The following DSCAM variants were observed in gnomAD, a reference collection of about 807,000 sequenced individuals.
DSCAM encodes the protein DS cell adhesion molecule.
Under a neutral mutation model 217.7 loss-of-function variants are expected in DSCAM, and 47 were observed. The ratio of observed to expected loss-of-function variants is 0.22; its 90% CI spans 0.17 to 0.28. DSCAM has a LOEUF of 0.28. Ranked by LOEUF, DSCAM falls within the 10% of genes least tolerant of loss-of-function variation. The pLI, the probability that DSCAM is intolerant of heterozygous loss-of-function variation, is 1.00. For missense variants in DSCAM, 2,080 were observed against 2,618.3 expected (o/e 0.79, Z 4.49); for synonymous variants, 1,056 against 1,015.3 (o/e 1.04, Z -0.76).
chr21:40,096,275 T>C (rs183236452), intron 20 of DSCAM, among the ~76,000 whole-genome samples: 32 of 152,252 alleles, frequency 2.1e-4, no homozygotes, highest in Admixed American at 2.0e-3. Flanking sequence ...TCCTGCCTTT[T>C]CAGATGGAAC....
At position 40,245,191 on chromosome 21, in the gene DSCAM, G is replaced by A. The variant is rs2073207103; in HGVS notation, c.2356+30906C>T. On this transcript the variant is annotated intron_variant, in intron 11 of 32. Coordinates refer to ENST00000400454, the MANE Select transcript of DSCAM (RefSeq NM_001389.5). ...TCTTACGGCTGCTGCCGCCTGTTGG[G>A]GTAATGACACATGATGGGTGATTAA... Among the ~76,000 whole-genome samples, 4 of 152,168 alleles carry A rather than the reference G, an allele frequency of 2.6e-5. No homozygotes were observed. In the South Asian group the frequency reaches 6.2e-4, roughly 24 times the overall value.
At chr21:40,428,255 TG>T (rs2075495823) in intron 3 of DSCAM, among the ~76,000 whole-genome samples, 2 of 144,588 alleles carry the variant, frequency 1.4e-5, no homozygotes, top group African/African-American at 2.7e-5. Context: ...TGTGTGTGTG[TG>T]TGTGTGTGTG....
chr21:40,332,276 C>T (rs1414251125), intron 8 of DSCAM, among the ~76,000 whole-genome samples: 1 of 152,158 alleles, frequency 6.6e-6, no homozygotes, highest in East Asian at 1.9e-4. Context: ...CTTCCCGCTG[C>T]AATACGAATT....
chr21:40,719,513 C>G (rs1345956364), intron 1 of DSCAM, among the ~76,000 whole-genome samples: 1 of 152,176 alleles, frequency 6.6e-6, no homozygotes, highest in Non-Finnish European at 1.5e-5. Context: ...ATATCTACAG[C>G]AGCAACACGT....
intron 8 of DSCAM, among the ~76,000 whole-genome samples, chr21:40,313,012 G>A (rs2123494681): frequency 6.6e-6 from 1 of 151,892 alleles, no homozygotes; most frequent in East Asian, 1.9e-4. Context: ...AGCTACTGAG[G>A]AGGCCAAGGC....
At chr21:40,669,691 G>A (rs1466770104) in intron 3 of DSCAM, among the ~76,000 whole-genome samples, 1 of 150,724 alleles carries the variant, frequency 6.6e-6, no homozygotes, top group Non-Finnish European at 1.5e-5. Flanking sequence ...CAATTCTCCT[G>A]CCTCAGCCTC....
intron 3 of DSCAM, among the ~76,000 whole-genome samples, chr21:40,660,138 G>A (rs2090123362): frequency 6.6e-6 from 1 of 152,110 alleles, no homozygotes; most frequent in African/African-American, 2.4e-5. Flanking sequence ...TGAAACTCCT[G>A]AAGTTACATA....
intron 32 of DSCAM, among the ~76,000 whole-genome samples, chr21:40,014,508 G>A (rs567632345): frequency 2.3e-4 from 35 of 152,314 alleles, no homozygotes; most frequent in African/African-American, 4.1e-4. Flanking sequence ...AATGACAAGC[G>A]TGACAGGGCT....
At chr21:40,280,945 A>G (rs2073752536) in intron 10 of DSCAM, among the ~76,000 whole-genome samples, 1 of 152,192 alleles carries the variant, frequency 6.6e-6, no homozygotes, top group African/African-American at 2.4e-5. Flanking sequence ...AGTCTGAGAA[A>G]GTAAAGCTTA....
chr21:40,229,507 T>C (rs998583219), intron 11 of DSCAM, among the ~76,000 whole-genome samples: 4 of 152,228 alleles, frequency 2.6e-5, no homozygotes, highest in Admixed American at 6.5e-5. Flanking sequence ...GCTTCACCTG[T>C]TCAGTCCTCT....
At chr21:40,587,544 C>G (rs1353132608) in intron 3 of DSCAM, among the ~76,000 whole-genome samples, 1 of 152,142 alleles carries the variant, frequency 6.6e-6, no homozygotes, top group Non-Finnish European at 1.5e-5. Context: ...TTTGATAAAT[C>G]CTTCTCAAAT....
intron 3 of DSCAM, among the ~76,000 whole-genome samples, chr21:40,675,539 A>G (rs1403347829): frequency 6.6e-6 from 1 of 152,182 alleles, no homozygotes. Context: ...TTCCACCATA[A>G]TTCTTCTAAG....
chr21:40,265,514 C>A (rs988729612), intron 11 of DSCAM, among the ~76,000 whole-genome samples: 3 of 151,162 alleles, frequency 2.0e-5, no homozygotes, highest in Non-Finnish European at 2.9e-5. Flanking sequence ...CATAGGGAAC[C>A]AAAAAAGAGC....
At chr21:40,276,031 A>T in intron 11 of DSCAM, 66 bp downstream of exon 11, 1 of 1,440,440 alleles carries the variant, frequency 6.9e-7, no homozygotes, top group Non-Finnish European at 9.2e-7. Context: ...GAGACAATTG[A>T]AAAAGGAAGC....
chr21:40,796,694 T>C (rs2091694936), intron 1 of DSCAM, among the ~76,000 whole-genome samples: 1 of 152,182 alleles, frequency 6.6e-6, no homozygotes, highest in Non-Finnish European at 1.5e-5. Flanking sequence ...TGGTTAGAAA[T>C]GCAGAATCTC....
chr21:40,335,774 G>C (rs1444354045), intron 8 of DSCAM, among the ~76,000 whole-genome samples: 1 of 152,160 alleles, frequency 6.6e-6, no homozygotes. Flanking sequence ...GGATCCCTGA[G>C]ACAATTTTAG....
At chr21:40,303,684 G>A (rs534138558) in intron 9 of DSCAM, among the ~76,000 whole-genome samples, 155 of 152,160 alleles carry the variant, frequency 1.0e-3, no homozygotes, top group Non-Finnish European at 1.6e-3. Context: ...TTTTGTGTAA[G>A]AATGAATGAA....
intron 20 of DSCAM, among the ~76,000 whole-genome samples, chr21:40,104,919 G>A (rs555066277): frequency 4.3e-4 from 65 of 152,218 alleles, no homozygotes; most frequent in Middle Eastern, 3.4e-3. Flanking sequence ...AAAGCTCTAC[G>A]CAGCAATGGG....
At chr21:40,121,255 CCT>C (rs1388050011) in intron 20 of DSCAM, among the ~76,000 whole-genome samples, 1 of 151,978 alleles carries the variant, frequency 6.6e-6, no homozygotes, top group African/African-American at 2.4e-5. Context: ...AAAAAAACAC[CCT>C]CTTTCCTGTA....
Sources: allele counts gnomAD v4.1 joint callset (sites outside exome capture counted in the v4.1 genomes callset), GRCh38; gene constraint gnomAD v4.1.1; transcripts MANE v1.5; gene names NCBI Gene and HGNC (gene_info 2026-07-23, HGNC 2026-07-21).